The following SLC9A5 variants were observed in gnomAD, a reference collection of about 807,000 sequenced individuals.
SLC9A5 encodes the protein solute carrier family 9 member A5.
A neutral mutation model predicts 91.7 loss-of-function variants in SLC9A5; 52 were observed. The observed-to-expected ratio is 0.57, with a 90% CI of 0.45 to 0.71. The LOEUF is 0.71. Among genes scored for constraint, SLC9A5 ranks in the 30% least tolerant of loss-of-function variants. SLC9A5 has a pLI of 0.00. For missense variants in SLC9A5, 871 were observed against 1,158.9 expected (o/e 0.75, Z 3.61); for synonymous variants, 419 against 474.5 (o/e 0.88, Z 1.52).
chr16:67,271,179 G>T lies in SLC9A5; in HGVS notation c.2660G>T (p.Cys887Phe), dbSNP rs765063930. The change falls in exon 16 of 16, where the codon TGC becomes TTC. Residue 887 changes from cysteine (C) to phenylalanine (F), a missense_variant. Transcript: ENST00000299798. ...CCAGGCACCGCTACCTCCCACTGGT[G>T]CATCCAGTTCAACAGAGGCAGCCGG... is the stretch of plus-strand genomic sequence containing the variant. ...LSPGTATSHW[C>F]IQFNRGSRL The T allele has an allele frequency of 1.2e-6, 2 of 1,612,780 alleles. No homozygotes were observed. Among genetic ancestry groups the T allele is most frequent in the Admixed American group, 3.3e-5 (2 of 60,020 alleles).
rs781599367 is a variant in SLC9A5, at chr16:67,259,927, T to G, written c.1823T>G (p.Leu608Arg). 2 of 1,613,988 alleles carry G rather than the reference T, an allele frequency of 1.2e-6. No homozygotes were observed. Among genetic ancestry groups the G allele is most frequent in the South Asian group, 2.2e-5 (2 of 91,070 alleles). The change falls in exon 12 of 16, where the codon CTC becomes CGC. Residue 608 changes from leucine (L) to arginine (R), a missense_variant. Physicochemically the swap from Leu to Arg is moderately radical, Grantham distance 102. Transcript: ENST00000299798. The stretch of plus-strand genomic sequence containing the variant: ...ATGCATCATCTGCTCTGCGGAGGCC[T>G]CTACAAGCCGCGCCGTAGGGTGAGA... ...AVMHHLLCGGLYKPRRRYKAS... is the reference protein window; with the variant it reads ...AVMHHLLCGGRYKPRRRYKAS...
chr16:67,259,787 C>G, intron 11 of SLC9A5, 33 bp from the exon 12 acceptor site: 1 of 1,610,832 alleles, frequency 6.2e-7, no homozygotes, highest in African/African-American at 1.3e-5. Flanking sequence ...CTCCTGCCCC[C>G]TCTCCAGCAC....
intron 12 of SLC9A5, 136 bp from the exon 13 acceptor site, chr16:67,264,216 G>T: frequency 8.3e-6 from 6 of 721,866 alleles, no homozygotes; most frequent in South Asian, 3.8e-5. Flanking sequence ...TTTTTGTTTT[G>T]TTTTTCAATC....
intron 2 of SLC9A5, among the ~76,000 whole-genome samples, chr16:67,253,405 A>G (rs1374664859): frequency 6.6e-6 from 1 of 151,956 alleles, no homozygotes; most frequent in African/African-American, 2.4e-5. Flanking sequence ...TATCCCACTG[A>G]CTCTTCATAG....
rs761739033 is a variant in SLC9A5 at position 67,252,961 on chromosome 16, C to A, written c.490+117C>A. ...CCTGAAAGCTCCATCCTAGGTCCCT[C>A]CCTCTGGAGTGCAAGGCAGTGCTCC... On this transcript the variant is annotated intron_variant, in intron 2 of 15. Transcript: ENST00000299798. This position sits in a 1 kb window ranked among gnomAD's most constrained non-coding sequence, Gnocchi z 4.0. 7 of 947,726 alleles carry A rather than the reference C, an allele frequency of 7.4e-6. No homozygotes were observed. Among genetic ancestry groups the A allele is most frequent in the Non-Finnish European group, 1.1e-5 (7 of 649,510 alleles). The allele number at this position is 947,726 out of a possible 1,614,324, so 58.7% of individuals were successfully genotyped here.
rs2035261340 is a variant in SLC9A5 at position 67,255,091 on chromosome 16, G to A, written c.561G>A (p.Val187=). Residue 187 remains valine, a synonymous_variant, in exon 3 of 16, where the codon GTG becomes GTA. Coordinates refer to ENST00000299798, the MANE Select transcript of SLC9A5 (RefSeq NM_004594.3). The surrounding 1 kb of genome is among the most constrained non-coding windows in gnomAD (Gnocchi z 4.9). ...FGSLISAVDP[V]AVLAVFEEVH... ...GCCTCATCTCGGCGGTGGACCCCGTGGCCGTGCTAGCTGTCTTTGAGGAGG... is the reference window on the plus strand; with the variant it reads ...GCCTCATCTCGGCGGTGGACCCCGTAGCCGTGCTAGCTGTCTTTGAGGAGG... The A allele has an allele frequency of 6.2e-7, 1 of 1,613,984 alleles. No individual in the cohort carries two copies. The highest frequency in any genetic ancestry group is 8.5e-7 in the Non-Finnish European group (1 of 1,179,978).
intron 12 of SLC9A5, among the ~76,000 whole-genome samples, chr16:67,260,354 CAAAAAAAAA>C (rs397932908): frequency 5.7e-3 from 190 of 33,440 alleles, no homozygotes; most frequent in Non-Finnish European, 8.0e-3. Flanking sequence ...GACTCCATCT[CAAAAAAAAA>C]AAAAAAAAAA....
At position 67,266,219 on chromosome 16, in the gene SLC9A5, G is replaced by A; in HGVS notation, c.2212G>A (p.Val738Ile). 1 of 1,599,662 alleles carries A rather than the reference G, an allele frequency of 6.3e-7. No homozygotes were observed. The part of the protein sequence containing the change: ...ATSEVLQEGK[V>I]SGSLEVCPSP... ...CAGTGAGGTTCTCCAAGAGGGCAAG[G>A]TCTCAGGTAATGGCTTCCTCCCTGC... is the stretch of plus-strand genomic sequence containing the variant. Residue 738 changes from valine to isoleucine, a missense_variant, in exon 15 of 16, where the codon GTC becomes ATC. Coordinates refer to ENST00000299798, the MANE Select transcript of SLC9A5 (RefSeq NM_004594.3).
chr16:67,252,657 G>T lies in SLC9A5; in HGVS notation c.303G>T (p.Gln101His). 2 of 1,614,190 alleles carry T rather than the reference G, an allele frequency of 1.2e-6. No homozygotes were observed. Among genetic ancestry groups the T allele is most frequent in the Non-Finnish European group, 1.7e-6 (2 of 1,180,046 alleles). The change falls in exon 2 of 16, where the codon CAG becomes CAT. Residue 101 changes from glutamine to histidine, a missense_variant. Gln to His is a conservative substitution (Grantham distance 24). Transcript: ENST00000299798. The surrounding 1 kb of genome is among the most constrained non-coding windows in gnomAD (Gnocchi z 4.0). ...VLAVAKKAEY[Q>H]LEPGTFFLFL... The stretch of plus-strand genomic sequence containing the variant: ...CTGTGGCCAAGAAAGCTGAGTACCA[G>T]CTGGAGCCAGGCACCTTCTTCCTCT...
intron 14 of SLC9A5, among the ~76,000 whole-genome samples, chr16:67,265,491 T>C (rs2035668480): frequency 6.6e-6 from 1 of 152,194 alleles, no homozygotes; most frequent in Non-Finnish European, 1.5e-5. Flanking sequence ...CCATCTCGGC[T>C]CACTGCAACC....
chr16:67,256,820 T>A lies in SLC9A5; in HGVS notation c.1133-91T>A, dbSNP rs2035335862. 7.0e-6 allele frequency: 10 copies of A among 1,421,526 alleles called. No homozygotes were observed. Among genetic ancestry groups the A allele is most frequent in the African/African-American group, 2.8e-5 (2 of 70,978 alleles). 88.1% of individuals were successfully genotyped at this position (1,421,526 alleles called of 1,614,324 possible). ...CTTGTTGCTCACCTGTCCCAGCCCC[T>A]GTTAGACCTCAGCCCAGATACTTGG... On this transcript the variant is annotated intron_variant, in intron 6 of 15. Coordinates refer to ENST00000299798, the MANE Select transcript of SLC9A5 (RefSeq NM_004594.3). The surrounding 1 kb of genome is among the most constrained non-coding windows in gnomAD (Gnocchi z 4.1).
intron 1 of SLC9A5, 31 bp downstream of exon 1, chr16:67,249,232 C>T: frequency 7.3e-7 from 1 of 1,367,994 alleles, no homozygotes; most frequent in Non-Finnish European, 9.4e-7. Context: ...GCCAGGCCGA[C>T]CGCCAGCGGC....
At chr16:67,259,737 A>G (rs1355486339) in intron 11 of SLC9A5, 76 bp downstream of exon 11, 1 of 1,592,466 alleles carries the variant, frequency 6.3e-7, no homozygotes, top group Non-Finnish European at 8.6e-7. Context: ...TCTGGGGGAG[A>G]TTTGTCAGCA....
intron 13 of SLC9A5, 47 bp from the exon 14 acceptor site, chr16:67,264,993 G>A: frequency 6.3e-7 from 1 of 1,599,286 alleles, no homozygotes; most frequent in Non-Finnish European, 8.6e-7. Flanking sequence ...CAGGGTTGGG[G>A]TGGGAAGCCG....
At chr16:67,269,771 G>A (rs760184282) in intron 15 of SLC9A5, among the ~76,000 whole-genome samples, 25 of 152,184 alleles carry the variant, frequency 1.6e-4, no homozygotes, top group Non-Finnish European at 2.8e-4. Flanking sequence ...GAGCTGGGGT[G>A]GTTGGTGGCC....
intron 2 of SLC9A5, among the ~76,000 whole-genome samples, chr16:67,253,313 T>A (rs550166894): frequency 6.6e-5 from 10 of 152,118 alleles, no homozygotes; most frequent in African/African-American, 1.9e-4. Context: ...TTTATTTTTT[T>A]AAATAAATAA....
At position 67,255,779 on chromosome 16, in the gene SLC9A5, GGGGCAGCCGT is replaced by G; in HGVS notation, c.765_774del (p.Ala256Ter). 6.3e-7 allele frequency: 1 copy of G among 1,588,836 alleles called. No individual in the cohort carries two copies. Among genetic ancestry groups the G allele is most frequent in the Non-Finnish European group, 8.6e-7 (1 of 1,166,446 alleles). ...CTCCCTGTTTGTGGTCAGTCTGGGC[GGGGCAGCCGT>G]GGGCTTAGTCTTTGCCTTCCTCCTG... On this transcript the variant is annotated frameshift_variant, in exon 5 of 16. Coordinates refer to ENST00000299798, the MANE Select transcript of SLC9A5 (RefSeq NM_004594.3). LOFTEE classifies it high-confidence loss of function. The surrounding 1 kb of genome is among the most constrained non-coding windows in gnomAD (Gnocchi z 4.9).
At position 67,259,637 on chromosome 16, in the gene SLC9A5, C is replaced by T; in HGVS notation, c.1691C>T (p.Ala564Val). Reference protein sequence around the residue: ...LPSMPSRNSVAETSVTNLLRE... With the variant: ...LPSMPSRNSVVETSVTNLLRE... ...TCTATGCCCAGCCGCAATTCTGTGGCAGAAACTTCTGTCACCAACCTGCTG... is the reference window on the plus strand; with the variant it reads ...TCTATGCCCAGCCGCAATTCTGTGGTAGAAACTTCTGTCACCAACCTGCTG... The change falls in exon 11 of 16, where the codon GCA becomes GTA. Residue 564 changes from alanine to valine, a missense_variant. This residue lies in a region of SLC9A5 where 454 missense variants were observed against 718.3 expected (regional missense o/e 0.63). Transcript: ENST00000299798. 2 of 1,614,138 alleles carry T rather than the reference C, an allele frequency of 1.2e-6. No homozygotes were observed. Among genetic ancestry groups the T allele is most frequent in the Middle Eastern group, 1.6e-4 (1 of 6,062 alleles).
At position 67,251,559 on chromosome 16, in the gene SLC9A5, A is replaced by G. The variant is rs1597343630; in HGVS notation, c.188-983A>G. Reference sequence around the variant, plus strand: ...CTCCCAAGTAGCTGGGACTACCGGCACCCGCCACCATGCCCAGCTAATTTT... The same window carrying G: ...CTCCCAAGTAGCTGGGACTACCGGCGCCCGCCACCATGCCCAGCTAATTTT... On this transcript the variant is annotated intron_variant, in intron 1 of 15. Transcript: ENST00000299798. 1.3e-5 allele frequency among the ~76,000 whole-genome samples: 2 copies of G among 151,434 alleles called. 1 individual carries two copies. The highest frequency in any genetic ancestry group is 4.2e-4 in the South Asian group (2 of 4,778).
Sources: gnomAD v4.1 joint callset for allele counts (sites outside exome capture counted in the v4.1 genomes callset) on GRCh38, gnomAD v4.1.1 for gene constraint, gnomAD v4.1.1 regional missense constraint, Gnocchi (gnomAD v3.1) non-coding constraint, MANE v1.5 for transcripts, NCBI Gene and HGNC (gene_info 2026-07-23, HGNC 2026-07-21) for gene names.